The following RMDN2 variants were observed in gnomAD, a reference collection of about 807,000 sequenced individuals.
The protein encoded by RMDN2 is regulator of microtubule dynamics protein 2.
Under a neutral mutation model 52.8 loss-of-function variants are expected in RMDN2, and 61 were observed. The observed-to-expected ratio is 1.16, with a 90% confidence interval of 0.94 to 1.43. RMDN2 has a LOEUF of 1.43. RMDN2 is among the 40% of genes most tolerant of loss of function. The pLI is 0.00. For synonymous variants in RMDN2, 180 were observed against 153.1 expected, an observed-to-expected ratio of 1.18 and a Z score of -1.30; for missense variants, 592 against 475.3, an observed-to-expected ratio of 1.25 and a Z score of -2.28.
chr2:38,064,687 A>T (rs1490042067), intron 10 of RMDN2, among the ~76,000 whole-genome samples: 1 of 152,156 alleles, frequency 6.6e-6, no homozygotes, highest in African/African-American at 2.4e-5. Context: ...CTTTTCAATG[A>T]ATATACCATC....
rs1435527503 is a variant in RMDN2 at position 37,971,786 on chromosome 2, TCTTCTCTC to T, written c.453-2250_453-2243del. On this transcript the variant is annotated intron_variant, in intron 2 of 10. Coordinates refer to ENST00000354545, the MANE Select transcript of RMDN2 (RefSeq NM_001170791.3). ...AGGTCCTAAAATCTGGTGGGGTAAG[TCTTCTCTC>T]CTTGCTCCCTTTAAGAGTGCTTTGG... is the stretch of plus-strand genomic sequence containing the variant. Among the ~76,000 whole-genome samples the T allele has an allele frequency of 3.3e-5, 5 of 152,168 alleles. No individual in the cohort carries two copies. The South Asian group carries it at 6.2e-4, about 19-fold the overall frequency.
intron 10 of RMDN2, chr2:38,026,838 T>C (rs1362109173): frequency 6.6e-6 from 1 of 152,248 alleles, no homozygotes; most frequent in African/African-American, 2.4e-5. Flanking sequence ...TAATATGTTA[T>C]ATTTTCATGT....
chr2:38,017,519 A>G lies in RMDN2; in HGVS notation c.*280A>G, dbSNP rs1317722484. ...TGCAGCCTTAAGAATATTTCTTTAAATAAAATATTTAAATCCAATAAAATG... is the reference window on the plus strand; with the variant it reads ...TGCAGCCTTAAGAATATTTCTTTAAGTAAAATATTTAAATCCAATAAAATG... On this transcript the variant is annotated 3_prime_UTR_variant, in exon 11 of 11. Transcript: ENST00000354545. 3 of 1,117,148 alleles carry G rather than the reference A, an allele frequency of 2.7e-6. No homozygotes were observed. The African/African-American group carries it at 4.9e-5, about 18-fold the overall frequency. The allele number at this position is 1,117,148 out of a possible 1,614,324, so 69.2% of individuals were successfully genotyped here.
chr2:38,039,083 CACACACACACAGAGAG>C (rs747791053), intron 10 of RMDN2, among the ~76,000 whole-genome samples: 247 of 83,064 alleles, frequency 3.0e-3, no homozygotes, highest in Non-Finnish European at 2.7e-3. Context: ...CACACACACA[CACACACACACAGAGAG>C]AGAGATAAAA....
At chr2:37,974,456 T>C (rs1389757430) in intron 3 of RMDN2, among the ~76,000 whole-genome samples, 1 of 147,772 alleles carries the variant, frequency 6.8e-6, no homozygotes, top group African/African-American at 2.4e-5. Context: ...GAACCAGAGC[T>C]ATAATTACGC....
chr2:37,937,265 A>G (rs903874854), intron 2 of RMDN2, among the ~76,000 whole-genome samples: 1 of 151,948 alleles, frequency 6.6e-6, no homozygotes, highest in Non-Finnish European at 1.5e-5. Flanking sequence ...TGGTCTATAT[A>G]TCTGTTTTGG....
At chr2:37,992,119 G>A (rs746209245) in intron 7 of RMDN2, among the ~76,000 whole-genome samples, 47 of 151,902 alleles carry the variant, frequency 3.1e-4, no homozygotes, top group Non-Finnish European at 6.0e-4. Context: ...CCTTAAAACA[G>A]TGCTGTGAAG....
chr2:38,037,070 A>G (rs536281754), intron 10 of RMDN2, among the ~76,000 whole-genome samples: 63 of 152,352 alleles, frequency 4.1e-4, no homozygotes, highest in African/African-American at 1.4e-3. Flanking sequence ...GATATAAAAA[A>G]GAAAAAGGTA....
intron 10 of RMDN2, among the ~76,000 whole-genome samples, chr2:38,044,017 A>G (rs1382001161): frequency 6.6e-6 from 1 of 151,998 alleles, no homozygotes; most frequent in Non-Finnish European, 1.5e-5. Context: ...AATTTCTTTT[A>G]ATATTTCTTG....
In RMDN2 at chr2:37,974,074, A is replaced by G. The variant is rs117416357; in HGVS notation, c.487A>G (p.Ser163Gly). 1.2e-4 allele frequency: 199 copies of G among 1,611,810 alleles called. 1 individual carries two copies. The East Asian group carries it at 4.3e-3, about 35-fold the overall frequency. The change falls in exon 3 of 11, where the codon AGT (serine) becomes GGT (glycine). Residue 163 changes from serine to glycine, a missense_variant. Coordinates refer to ENST00000354545, the MANE Select transcript of RMDN2 (RefSeq NM_001170791.3). ...AGCTAATACTGACACAGAAGAACAG[A>G]GTTTTCCAGTCCCTAAGGCATTTAA... ...ITANTDTEEQ[S>G]FPVPKAFNTR...
At chr2:37,930,437 C>T (rs1003647318) in intron 2 of RMDN2, among the ~76,000 whole-genome samples, 8 of 152,184 alleles carry the variant, frequency 5.3e-5, no homozygotes, top group African/African-American at 1.7e-4. Context: ...CCTTTTCCAT[C>T]CTTCCCCAAG....
At chr2:37,947,707 C>G (rs535818724) in intron 2 of RMDN2, among the ~76,000 whole-genome samples, 42 of 152,302 alleles carry the variant, frequency 2.8e-4, no homozygotes, top group African/African-American at 9.9e-4. Flanking sequence ...TGATACTACA[C>G]TCAGATCAGC....
chr2:37,932,944 T>G (rs1308198835), intron 2 of RMDN2, among the ~76,000 whole-genome samples: 1 of 143,974 alleles, frequency 6.9e-6, no homozygotes, highest in African/African-American at 2.6e-5. Flanking sequence ...CCGGACGAGG[T>G]GGCTGCCGGG....
chr2:38,020,702 A>C (rs941611111), downstream of RMDN2, among the ~76,000 whole-genome samples: 19 of 152,310 alleles, frequency 1.2e-4, no homozygotes, highest in Admixed American at 1.2e-3. Context: ...GTGCTGGCTC[A>C]CTGGCGGTGT....
At chr2:38,009,426 T>A (rs1677614379) in intron 10 of RMDN2, among the ~76,000 whole-genome samples, 1 of 152,216 alleles carries the variant, frequency 6.6e-6, no homozygotes, top group Non-Finnish European at 1.5e-5. Context: ...TTCTTTTTTC[T>A]CTACACTTCT....
chr2:37,922,662 T>A (rs1666063443), upstream of RMDN2, among the ~76,000 whole-genome samples: 1 of 152,242 alleles, frequency 6.6e-6, no homozygotes, highest in Non-Finnish European at 1.5e-5. Flanking sequence ...CCAGAGAGGT[T>A]TGCTGTAAGC....
At chr2:37,964,459 G>T (rs1670766590) in intron 2 of RMDN2, among the ~76,000 whole-genome samples, 1 of 152,116 alleles carries the variant, frequency 6.6e-6, no homozygotes, top group Non-Finnish European at 1.5e-5. Flanking sequence ...TTAAAAGTAT[G>T]TTTTTTAATT....
chr2:37,975,575 G>A (rs1488569385), intron 4 of RMDN2, among the ~76,000 whole-genome samples: 1 of 152,150 alleles, frequency 6.6e-6, no homozygotes. Flanking sequence ...GAGGCTAGGG[G>A]AGGGATAGCA....
chr2:37,968,162 C>G (rs1056542677), intron 2 of RMDN2, among the ~76,000 whole-genome samples: 3 of 152,038 alleles, frequency 2.0e-5, no homozygotes, highest in African/African-American at 7.2e-5. Context: ...GGGTCAAGGC[C>G]AAGCATGGTG....
Sources: gnomAD v4.1 joint callset for allele counts (sites outside exome capture counted in the v4.1 genomes callset) on GRCh38, gnomAD v4.1.1 for gene constraint, MANE v1.5 for transcripts, NCBI Gene and HGNC (gene_info 2026-07-23, HGNC 2026-07-21) for gene names.